NLGN3: variants seen among roughly 807,000 people sequenced by gnomAD.
The protein encoded by NLGN3 is neuroligin 3, also known as neuroligin-3.
In NLGN3, 11 loss-of-function variants were observed where a neutral mutation model predicts 42.9. The observed-to-expected ratio is 0.26, with a 90% CI of 0.16 to 0.42. NLGN3 has a LOEUF of 0.42. NLGN3 is among the 10% of genes least tolerant of loss of function. The pLI is 1.00. For missense variants in NLGN3, 374 were observed against 733.8 expected, an observed-to-expected ratio of 0.51 and a Z score of 5.67; for synonymous variants, 279 against 312.7, an observed-to-expected ratio of 0.89 and a Z score of 1.14.
chrX:71,157,287 C>CTTAT (rs397688201), intron 5 of NLGN3, among the ~76,000 whole-genome samples: 34,707 of 99,663 alleles, frequency 0.35, 5,346 homozygotes, highest in Middle Eastern at 0.44. Flanking sequence ...TTTTAATTTG[C>CTTAT]TTATTTATTT....
chrX:71,149,493 C>A (rs758349344), intron 3 of NLGN3, among the ~76,000 whole-genome samples: 1 of 111,773 alleles, frequency 8.9e-6, no homozygotes, highest in South Asian at 3.7e-4. Context: ...GCAAAAGATC[C>A]TGAATTTTAA....
At chrX:71,169,072 A>G (rs1388570019) in intron 7 of NLGN3, among the ~76,000 whole-genome samples, 182 bp from the exon 8 acceptor site, 2 of 110,737 alleles carry the variant, frequency 1.8e-5, no homozygotes, top group Non-Finnish European at 3.8e-5. Context: ...GCCGGGAAGG[A>G]GGATATAGGA....
intron 3 of NLGN3, among the ~76,000 whole-genome samples, chrX:71,150,848 G>A (rs1184980642): frequency 1.8e-5 from 2 of 111,873 alleles, no homozygotes; most frequent in Non-Finnish European, 3.8e-5. Context: ...TGGCCAGAGA[G>A]CAGACTGGAA....
At chrX:71,174,904 A>G (rs2092475692), downstream of NLGN3, among the ~76,000 whole-genome samples, 1 of 112,165 alleles carries the variant, frequency 8.9e-6, no homozygotes, top group Non-Finnish European at 1.9e-5. Flanking sequence ...AAAGCTCATG[A>G]GTTGAAAGTG....
Position 71,167,322 on chromosome X carries a change from G to C in NLGN3, c.1225G>C (p.Glu409Gln). The C allele has an allele frequency of 8.3e-7, 1 of 1,211,736 alleles. No homozygotes were observed. Among genetic ancestry groups the C allele is most frequent in the Non-Finnish European group, 1.1e-6 (1 of 895,392 alleles). ...YDIMLGVNQG[E>Q]GLKFVEGVVD... Reference sequence around the variant, plus strand: ...CATCATGCTAGGTGTCAACCAGGGCGAGGGTCTCAAGTTTGTGGAAGGGGT... The same window carrying C: ...CATCATGCTAGGTGTCAACCAGGGCCAGGGTCTCAAGTTTGTGGAAGGGGT... The change falls in exon 7 of 8, where the codon GAG becomes CAG. Residue 409 changes from glutamate to glutamine, a missense_variant. Around this residue, in one of 6 missense-constraint regions of NLGN3, gnomAD observed 142 missense variants for 359.1 expected, o/e 0.40. Coordinates refer to ENST00000358741, the MANE Select transcript of NLGN3 (RefSeq NM_181303.2).
At chrX:71,150,727 G>GAA (rs2092388449) in intron 3 of NLGN3, among the ~76,000 whole-genome samples, 1 of 105,050 alleles carries the variant, frequency 9.5e-6, no homozygotes, top group Non-Finnish European at 2.0e-5. Context: ...AAAAAAGAAA[G>GAA]AAAAGAAAAG....
chrX:71,167,564 G>C lies in NLGN3; in HGVS notation c.1467G>C (p.Val489=). The C allele has an allele frequency of 8.3e-7, 1 of 1,211,524 alleles. No homozygotes were observed. The highest frequency in any genetic ancestry group is 1.1e-6 in the Non-Finnish European group (1 of 895,441). The change falls in exon 7 of 8, where the codon GTG becomes GTC. Residue 489 remains valine, a synonymous_variant. Coordinates refer to ENST00000358741, the MANE Select transcript of NLGN3 (RefSeq NM_181303.2). ...TDHQWVEPSV[V]TADLHARYGS... is the part of the protein sequence containing the mutation. ...ACCAGTGGGTGGAGCCCTCAGTGGT[G>C]ACAGCCGATCTGCATGCCCGCTACG...
chrX:71,165,250 C>T (rs2092443098), intron 6 of NLGN3, among the ~76,000 whole-genome samples: 1 of 111,875 alleles, frequency 8.9e-6, no homozygotes, highest in African/African-American at 3.3e-5. Flanking sequence ...TCTGTCTTTG[C>T]CCCTCCAGGG....
chrX:71,147,454 A>C (rs1190587844), intron 1 of NLGN3, 96 bp from the exon 2 acceptor site: 3 of 395,334 alleles, frequency 7.6e-6, no homozygotes, highest in East Asian at 4.3e-5. Context: ...TCTCCTACCT[A>C]TAAGAGAATA....
chrX:71,169,869 C>G lies in NLGN3; in HGVS notation c.2319C>G (p.His773Gln). The change falls in exon 8 of 8, where the codon CAC becomes CAG. Residue 773 changes from histidine (H) to glutamine (Q), a missense_variant. Physicochemically the swap from His to Gln is conservative, Grantham distance 24 (BLOSUM62 0). Around this residue, in one of 6 missense-constraint regions of NLGN3, gnomAD observed 92 missense variants for 108.0 expected, o/e 0.85. Coordinates refer to ENST00000358741, the MANE Select transcript of NLGN3 (RefSeq NM_181303.2). ...CATTACAACTGGGCCCCACCCACCA[C>G]GAGTGTGAGGCCGGTCCCCCCCATG... ...LAALQLGPTH[H>Q]ECEAGPPHDT... 8.3e-7 allele frequency: 1 copy of G among 1,200,192 alleles called. No homozygotes were observed. Among genetic ancestry groups the G allele is most frequent in the African/African-American group, 1.7e-5 (1 of 57,330 alleles).
chrX:71,164,780 G>A (rs769040324), intron 6 of NLGN3, among the ~76,000 whole-genome samples: 1 of 111,383 alleles, frequency 9.0e-6, no homozygotes, highest in Non-Finnish European at 1.9e-5. Context: ...ATCCTAGAGG[G>A]GGAAGTGGGT....
intron 5 of NLGN3, among the ~76,000 whole-genome samples, chrX:71,159,011 T>TGTGCGCACACACAC (rs2092419952): frequency 1.8e-5 from 2 of 109,602 alleles, no homozygotes; most frequent in African/African-American, 6.7e-5. Context: ...TGCACACACA[T>TGTGCGCACACACAC]GCATGTGCGC....
chrX:71,166,875 C>A, intron 6 of NLGN3, 136 bp from the exon 7 acceptor site: 4 of 564,289 alleles, frequency 7.1e-6, no homozygotes, highest in Non-Finnish European at 1.2e-5. Context: ...GGCCCTACAT[C>A]ATCCCCTGCC....
chrX:71,146,076 C>G (rs2092365690), intron 1 of NLGN3, among the ~76,000 whole-genome samples: 1 of 100,690 alleles, frequency 9.9e-6, no homozygotes, highest in South Asian at 5.0e-4. Flanking sequence ...TCCTCTGAGC[C>G]CCCACCCCTT....
At chrX:71,154,522 T>G (rs2092401747) in intron 4 of NLGN3, among the ~76,000 whole-genome samples, 1 of 112,626 alleles carries the variant, frequency 8.9e-6, no homozygotes. Flanking sequence ...ATCTTGGTGC[T>G]GACTGGGAGC....
downstream of NLGN3, among the ~76,000 whole-genome samples, chrX:71,174,792 G>A (rs142501574): frequency 6.6e-3 from 745 of 112,139 alleles, 7 homozygotes; most frequent in East Asian, 0.047. Context: ...TCAAATTTGC[G>A]AATTACACAA....
In NLGN3 at chrX:71,170,101, C is replaced by T. The variant is rs202218233; in HGVS notation, c.*4C>T. The stretch of plus-strand genomic sequence containing the variant: ...ACACTCCACTACCCGGGTATAGCTC[C>T]AACTCAGAGCACAGCCAATCTCCAG... On this transcript the variant is annotated 3_prime_UTR_variant, in exon 8 of 8. Coordinates refer to ENST00000358741, the MANE Select transcript of NLGN3 (RefSeq NM_181303.2). The T allele has an allele frequency of 1.7e-5, 21 of 1,205,722 alleles. No homozygotes were observed. The highest frequency in any genetic ancestry group is 3.6e-5 in the African/African-American group (2 of 56,098).
chrX:71,155,143 C>A, intron 4 of NLGN3, 71 bp from the exon 5 acceptor site: 1 of 1,169,618 alleles, frequency 8.5e-7, no homozygotes. Flanking sequence ...CCGCACCCAC[C>A]CCCTGGGCTG....
chrX:71,165,648 C>T (rs2092444345), intron 6 of NLGN3, among the ~76,000 whole-genome samples: 1 of 111,220 alleles, frequency 9.0e-6, no homozygotes, highest in Admixed American at 9.5e-5. Context: ...CCTCAGCCCC[C>T]AGAGTAGCTG....
Sources: gnomAD v4.1 joint callset for allele counts (sites outside exome capture counted in the v4.1 genomes callset) on GRCh38, gnomAD v4.1.1 for gene constraint, gnomAD v4.1.1 regional missense constraint, MANE v1.5 for transcripts, NCBI Gene and HGNC (gene_info 2026-07-23, HGNC 2026-07-21) for gene names.